GALNT13: variants seen among roughly 807,000 people sequenced by gnomAD.
GALNT13 encodes polypeptide N-acetylgalactosaminyltransferase 13, also known as UDP-GalNAc:polypeptide N-acetylgalactosaminyltransferase 13.
A neutral mutation model predicts 64.2 loss-of-function variants in GALNT13; 28 were observed. The ratio of observed to expected loss-of-function variants is 0.44; its 90% CI spans 0.32 to 0.60. The LOEUF is 0.60. GALNT13 is among the 20% of genes least tolerant of loss of function. The pLI is 0.05. For missense variants in GALNT13, 577 were observed against 669.8 expected, an observed-to-expected ratio of 0.86 and a Z score of 1.53; for synonymous variants, 214 against 224.6, an observed-to-expected ratio of 0.95 and a Z score of 0.42.
intron 3 of GALNT13, among the ~76,000 whole-genome samples, chr2:154,091,251 A>G (rs892921583): frequency 2.0e-5 from 3 of 151,964 alleles, no homozygotes; most frequent in African/African-American, 7.2e-5. Flanking sequence ...TTTTATTTTT[A>G]ATGTGTATAA....
chr2:153,816,858 A>G, the GALNT13 span, among the ~76,000 whole-genome samples: 8 of 152,158 alleles, frequency 5.3e-5, no homozygotes, highest in African/African-American at 1.2e-4. Flanking sequence ...GCACCAATAT[A>G]TAAGTTACAA....
At chr2:154,097,864 C>A (rs953378825) in intron 3 of GALNT13, among the ~76,000 whole-genome samples, 1 of 152,034 alleles carries the variant, frequency 6.6e-6, no homozygotes, top group African/African-American at 2.4e-5. Flanking sequence ...TCAGTTTCTT[C>A]ATTAGCAGTT....
chr2:153,290,462 A>T, the GALNT13 span, among the ~76,000 whole-genome samples: 1 of 152,242 alleles, frequency 6.6e-6, no homozygotes, highest in African/African-American at 2.4e-5. Context: ...TGGTTACCAA[A>T]AATCTGTCAC....
intron 9 of GALNT13, among the ~76,000 whole-genome samples, chr2:154,363,046 C>A (rs1574162897): frequency 1.3e-5 from 2 of 152,212 alleles, no homozygotes; most frequent in East Asian, 3.8e-4. Context: ...GAAATACTTT[C>A]TAAGCTTAAG....
the GALNT13 span, among the ~76,000 whole-genome samples, chr2:153,280,852 G>A: frequency 6.6e-6 from 1 of 152,174 alleles, no homozygotes; most frequent in Non-Finnish European, 1.5e-5. Flanking sequence ...TTGATGGATG[G>A]AGTATTCTGC....
chr2:154,020,767 T>C (rs1474323536), intron 3 of GALNT13, among the ~76,000 whole-genome samples: 2 of 151,654 alleles, frequency 1.3e-5, no homozygotes, highest in Non-Finnish European at 2.9e-5. Flanking sequence ...AGACATGAAG[T>C]CCTTGCCCAT....
At chr2:153,716,471 A>G in the GALNT13 span, among the ~76,000 whole-genome samples, 1 of 152,142 alleles carries the variant, frequency 6.6e-6, no homozygotes, top group African/African-American at 2.4e-5. Flanking sequence ...GACACCCCTG[A>G]AAAGCTCACT....
At chr2:153,659,763 T>C in the GALNT13 span, among the ~76,000 whole-genome samples, 1 of 152,068 alleles carries the variant, frequency 6.6e-6, no homozygotes, top group South Asian at 2.1e-4. Context: ...GCCTATAAGT[T>C]AGCCCTGCTC....
the GALNT13 span, among the ~76,000 whole-genome samples, chr2:153,474,891 T>TGA: frequency 5.9e-5 from 9 of 151,948 alleles, no homozygotes; most frequent in Admixed American, 3.9e-4. Context: ...GCCTGTTAAA[T>TGA]TTATGTATCT....
At chr2:154,180,898 A>G (rs1321360818) in intron 4 of GALNT13, among the ~76,000 whole-genome samples, 2 of 152,170 alleles carry the variant, frequency 1.3e-5, no homozygotes, top group African/African-American at 4.8e-5. Flanking sequence ...ATGAGTTTGA[A>G]CTGCACTGGT....
chr2:153,130,415 G>C, the GALNT13 span, among the ~76,000 whole-genome samples: 1 of 152,042 alleles, frequency 6.6e-6, no homozygotes, highest in Non-Finnish European at 1.5e-5. Context: ...GTAGGGGCCT[G>C]GTCCCAGAAA....
chr2:154,315,874 G>C (rs985688031), intron 9 of GALNT13, among the ~76,000 whole-genome samples: 5 of 152,154 alleles, frequency 3.3e-5, no homozygotes, highest in African/African-American at 4.8e-5. Context: ...CGGATCACAA[G>C]GTCAGGAGTT....
At chr2:154,273,893 A>G (rs1032613183) in intron 8 of GALNT13, among the ~76,000 whole-genome samples, 2 of 152,148 alleles carry the variant, frequency 1.3e-5, no homozygotes, top group African/African-American at 4.8e-5. Flanking sequence ...TTACATTTGA[A>G]TAATACATAA....
At chr2:153,585,174 A>C in the GALNT13 span, among the ~76,000 whole-genome samples, 2 of 152,224 alleles carry the variant, frequency 1.3e-5, no homozygotes, top group African/African-American at 2.4e-5. Context: ...CAAAGAACTC[A>C]GAAAATCAAT....
chr2:154,110,336 T>TAGAGAGAG (rs1190684961), intron 3 of GALNT13, among the ~76,000 whole-genome samples: 107 of 9,874 alleles, frequency 0.011, 9 homozygotes, highest in Non-Finnish European at 0.014. Context: ...TATATATATA[T>TAGAGAGAG]AGAGAGAGAG....
chr2:153,517,164 A>G, the GALNT13 span, among the ~76,000 whole-genome samples: 1 of 152,238 alleles, frequency 6.6e-6, no homozygotes, highest in South Asian at 2.1e-4. Flanking sequence ...CTTCATTTTT[A>G]TCATGTCATA....
At chr2:154,198,973 TA>T (rs1454371118) in intron 4 of GALNT13, among the ~76,000 whole-genome samples, 1 of 151,972 alleles carries the variant, frequency 6.6e-6, no homozygotes, top group African/African-American at 2.4e-5. Flanking sequence ...TTTCAGTGGT[TA>T]ATGCTGACTT....
the GALNT13 span, among the ~76,000 whole-genome samples, chr2:153,430,653 T>A: frequency 6.6e-6 from 1 of 150,998 alleles, no homozygotes; most frequent in African/African-American, 2.4e-5. Context: ...GCTTCATATA[T>A]TTGAATATGT....
At chr2:154,249,891 A>G (rs185334598) in intron 7 of GALNT13, among the ~76,000 whole-genome samples, 78 of 152,234 alleles carry the variant, frequency 5.1e-4, no homozygotes, top group African/African-American at 1.7e-3. Flanking sequence ...TTAGGAGTTT[A>G]TGAAGATCAA....
Sources: gnomAD v4.1 joint callset for allele counts (sites outside exome capture counted in the v4.1 genomes callset) on GRCh38, gnomAD v4.1.1 for gene constraint, MANE v1.5 for transcripts, NCBI Gene and HGNC (gene_info 2026-07-23, HGNC 2026-07-21) for gene names.